Variants in MYT1L observed in about 807,000 individuals in gnomAD.
The protein encoded by MYT1L is myelin transcription factor 1 like.
In MYT1L, 12 loss-of-function variants were observed where a neutral mutation model predicts 126.7. The ratio of observed to expected loss-of-function variants is 0.09; its 90% CI spans 0.06 to 0.15. The LOEUF (loss-of-function observed/expected upper bound fraction) is 0.15. Among genes scored for constraint, MYT1L ranks in the 10% least tolerant of loss-of-function variants. The pLI, the probability that MYT1L is intolerant of heterozygous loss-of-function variation, is 1.00. For missense variants in MYT1L, 979 were observed against 1,585.2 expected, an observed-to-expected ratio of 0.62 and a Z score of 6.49; for synonymous variants, 541 against 604.2, an observed-to-expected ratio of 0.90 and a Z score of 1.53.
At chr2:2,301,955 G>A (rs1290149159) in intron 1 of MYT1L, among the ~76,000 whole-genome samples, 3 of 152,134 alleles carry the variant, frequency 2.0e-5, no homozygotes, top group South Asian at 4.2e-4. Flanking sequence ...TATGTGTCAG[G>A]CACTAAGTTA....
intron 2 of MYT1L, among the ~76,000 whole-genome samples, chr2:2,278,780 C>T (rs1471424405): frequency 6.6e-6 from 1 of 152,146 alleles, no homozygotes; most frequent in Non-Finnish European, 1.5e-5. Flanking sequence ...TATTTTAACA[C>T]CATGTATTTC....
chr2:1,801,525 T>C lies in MYT1L; in HGVS notation c.3276+171A>G. 2 of 544,320 alleles carry C rather than the reference T, an allele frequency of 3.7e-6. No individual in the cohort carries two copies. Among genetic ancestry groups the C allele is most frequent in the Non-Finnish European group, 6.5e-6 (2 of 309,280 alleles). 33.7% of individuals were successfully genotyped at this position (544,320 alleles called of 1,614,324 possible). A position where few individuals can be genotyped will look rare whatever the true frequency, so the allele number is the denominator to read the frequency against. On this transcript the variant is annotated intron_variant, in intron 23 of 24. Transcript: ENST00000647738. The surrounding 1 kb of genome is among the most constrained non-coding windows in gnomAD (Gnocchi z 4.2). ...CCACGGCCCCTGCTACAGCGAACAC[T>C]GCCACGGAATGGTGTCTGCGGAAGA...
At chr2:2,105,088 G>C (rs903422132) in intron 3 of MYT1L, among the ~76,000 whole-genome samples, 4 of 152,114 alleles carry the variant, frequency 2.6e-5, no homozygotes, top group African/African-American at 9.7e-5. Context: ...TTTATTTATT[G>C]ATGATTATAT....
intron 2 of MYT1L, among the ~76,000 whole-genome samples, chr2:2,260,031 G>C (rs1392117931): frequency 6.6e-6 from 1 of 152,170 alleles, no homozygotes; most frequent in African/African-American, 2.4e-5. Context: ...TTTTACACAC[G>C]TCTTGACATT....
intron 4 of MYT1L, among the ~76,000 whole-genome samples, chr2:2,040,773 T>C (rs985492788): frequency 6.6e-6 from 1 of 152,204 alleles, no homozygotes; most frequent in Non-Finnish European, 1.5e-5. Context: ...ATTTAAAAGT[T>C]TGAAGTAAAA....
intron 2 of MYT1L, among the ~76,000 whole-genome samples, chr2:2,248,005 A>C (rs548591996): frequency 3.3e-5 from 5 of 152,206 alleles, no homozygotes; most frequent in African/African-American, 1.2e-4. Flanking sequence ...AACCAACCCA[A>C]AACTTAGTAG....
At chr2:2,154,185 C>T (rs768786229) in intron 3 of MYT1L, among the ~76,000 whole-genome samples, 12 of 152,158 alleles carry the variant, frequency 7.9e-5, no homozygotes, top group Non-Finnish European at 1.5e-4. Context: ...TGCCCAATGA[C>T]GCTGGGGAGG....
chr2:2,249,242 G>GA (rs1186807350), intron 2 of MYT1L, among the ~76,000 whole-genome samples: 3 of 149,048 alleles, frequency 2.0e-5, no homozygotes, highest in African/African-American at 7.4e-5. Flanking sequence ...ATCCAAAAAA[G>GA]AAAAAAAAGA....
intron 9 of MYT1L, among the ~76,000 whole-genome samples, chr2:1,930,726 G>A (rs974865647): frequency 2.4e-4 from 37 of 152,176 alleles, no homozygotes; most frequent in Non-Finnish European, 5.0e-4. Context: ...ATGCTGTCTG[G>A]AATATGATTT....
rs1177516408 is a variant in MYT1L at position 2,228,160 on chromosome 2, A to G, written c.-420-55172T>C. 6.6e-6 allele frequency among the ~76,000 whole-genome samples: 1 copy of G among 152,228 alleles called. No individual in the cohort carries two copies. Among genetic ancestry groups the G allele is most frequent in the Admixed American group, 6.5e-5 (1 of 15,274 alleles). Reference sequence around the variant, plus strand: ...AATCATCATCACTATCATCAGTATAATCATTACCTACATAAAAGACAGGGC... The same window carrying G: ...AATCATCATCACTATCATCAGTATAGTCATTACCTACATAAAAGACAGGGC... On this transcript the variant is annotated intron_variant, in intron 2 of 24. Transcript: ENST00000647738. The surrounding 1 kb of genome is among the most constrained non-coding windows in gnomAD (Gnocchi z 5.9).
At position 2,059,034 on chromosome 2, in the gene MYT1L, A is replaced by C. The variant is rs569796624; in HGVS notation, c.-303-4911T>G. ...CTAAGTGTGACTGCAGTTTATATAA[A>C]CTCAAGGACAATTGGGTCATGTCTG... On this transcript the variant is annotated intron_variant, in intron 3 of 24. Coordinates refer to ENST00000647738, the MANE Select transcript of MYT1L (RefSeq NM_001303052.2). The surrounding 1 kb of genome is among the most constrained non-coding windows in gnomAD (Gnocchi z 4.7). 1.3e-5 allele frequency among the ~76,000 whole-genome samples: 2 copies of C among 152,310 alleles called. No homozygotes were observed. The highest frequency in any genetic ancestry group is 1.3e-4 in the Admixed American group (2 of 15,302).
intron 2 of MYT1L, among the ~76,000 whole-genome samples, chr2:2,232,383 C>G (rs751952734): frequency 5.9e-5 from 9 of 152,246 alleles, no homozygotes; most frequent in Non-Finnish European, 1.2e-4. Context: ...TCTCCTGGGG[C>G]AGCTGCCAGC....
chr2:1,844,981 T>TG (rs1208965919), intron 19 of MYT1L, among the ~76,000 whole-genome samples: 1 of 150,294 alleles, frequency 6.7e-6, no homozygotes, highest in Non-Finnish European at 1.5e-5. Flanking sequence ...ATCTTCCTTT[T>TG]TTTTTTTTTT....
At chr2:2,289,625 C>T (rs1221682921) in intron 1 of MYT1L, among the ~76,000 whole-genome samples, 1 of 152,116 alleles carries the variant, frequency 6.6e-6, no homozygotes, top group African/African-American at 2.4e-5. Flanking sequence ...GCCCTTGTAC[C>T]ACTGCTTGAT....
chr2:2,271,312 T>G (rs971024319), intron 2 of MYT1L, among the ~76,000 whole-genome samples: 2 of 152,190 alleles, frequency 1.3e-5, no homozygotes, highest in African/African-American at 4.8e-5. Context: ...TTTATGGAGC[T>G]CTCTCATTTT....
chr2:2,214,999 C>A (rs1159224296), intron 2 of MYT1L, among the ~76,000 whole-genome samples: 1 of 151,972 alleles, frequency 6.6e-6, no homozygotes, highest in Non-Finnish European at 1.5e-5. Flanking sequence ...TGGTATAATA[C>A]AACTTAATGG....
intron 8 of MYT1L, among the ~76,000 whole-genome samples, chr2:1,959,319 C>T (rs1035167994): frequency 6.6e-6 from 1 of 152,146 alleles, no homozygotes; most frequent in Non-Finnish European, 1.5e-5. Flanking sequence ...AAACTCAGAC[C>T]GTCTGGATGT....
chr2:1,845,472 G>C (rs932475394), intron 19 of MYT1L, among the ~76,000 whole-genome samples: 1 of 152,032 alleles, frequency 6.6e-6, no homozygotes, highest in Non-Finnish European at 1.5e-5. Flanking sequence ...TCTTTATACC[G>C]GATGATGATG....
chr2:2,141,989 C>T (rs868744464), intron 3 of MYT1L, among the ~76,000 whole-genome samples: 11 of 152,310 alleles, frequency 7.2e-5, no homozygotes, highest in African/African-American at 2.6e-4. Context: ...TTCTCCCACA[C>T]GGGAAAGCTT....
Sources: gnomAD v4.1 joint callset for allele counts (sites outside exome capture counted in the v4.1 genomes callset) on GRCh38, gnomAD v4.1.1 for gene constraint, Gnocchi (gnomAD v3.1) non-coding constraint, MANE v1.5 for transcripts, NCBI Gene and HGNC (gene_info 2026-07-23, HGNC 2026-07-21) for gene names.